Variants in PHLPP1 observed in about 807,000 individuals in gnomAD.
The protein encoded by PHLPP1 is PH domain and leucine rich repeat protein phosphatase 1, also known as PH domain leucine-rich repeat-containing protein phosphatase 1.
In PHLPP1, 42 loss-of-function variants were observed where a neutral mutation model predicts 117.2. The observed-to-expected ratio is 0.36, with a 90% CI of 0.28 to 0.46. The LOEUF is 0.46. Ranked by LOEUF, PHLPP1 falls within the 20% of genes least tolerant of loss-of-function variation. The probability of loss-of-function intolerance (pLI) is 1.00; values close to 1 mark genes in which losing one functional copy is unlikely to be tolerated. For synonymous variants in PHLPP1, 1,042 were observed against 970.7 expected (o/e 1.07, Z -1.37); for missense variants, 2,084 against 2,241.9 (o/e 0.93, Z 1.42).
intron 1 of PHLPP1, among the ~76,000 whole-genome samples, chr18:62,721,940 T>C (rs1448882637): frequency 1.3e-5 from 2 of 152,238 alleles, no homozygotes; most frequent in Non-Finnish European, 2.9e-5. Context: ...TTGTATGTGA[T>C]CTAAGCCTAG....
intron 13 of PHLPP1, among the ~76,000 whole-genome samples, chr18:62,959,988 A>G (rs977087199): frequency 6.6e-6 from 1 of 151,842 alleles, no homozygotes; most frequent in African/African-American, 2.4e-5. Context: ...ATAAGATGAG[A>G]AAAAAAATGG....
chr18:62,851,831 A>G (rs1915358204), intron 3 of PHLPP1, among the ~76,000 whole-genome samples: 1 of 151,516 alleles, frequency 6.6e-6, no homozygotes, highest in South Asian at 2.1e-4. Context: ...TTGCTATGTC[A>G]TTACCTCGAA....
intron 10 of PHLPP1, among the ~76,000 whole-genome samples, chr18:62,922,669 T>C (rs547380374): frequency 1.2e-4 from 18 of 152,346 alleles, no homozygotes; most frequent in Middle Eastern, 3.4e-3. Context: ...AAAAACCATT[T>C]CTGAATCTGG....
rs370846459 is a variant in PHLPP1 at position 62,746,852 on chromosome 18, C to T, written c.1576+29593C>T. On this transcript the variant is annotated intron_variant, in intron 1 of 16. Coordinates refer to ENST00000262719, the MANE Select transcript of PHLPP1 (RefSeq NM_194449.4). Reference sequence around the variant, plus strand: ...GTGCATAGCAATGTGATTTATTTTTCGCTTGGTAGAACTTGCTTAAGCTTT... The same window carrying T: ...GTGCATAGCAATGTGATTTATTTTTTGCTTGGTAGAACTTGCTTAAGCTTT... Among the ~76,000 whole-genome samples the T allele has an allele frequency of 3.2e-4, 49 of 151,574 alleles. No homozygotes were observed. The South Asian group carries it at 7.3e-3, about 23-fold the overall frequency.
intron 1 of PHLPP1, among the ~76,000 whole-genome samples, chr18:62,756,043 G>T: frequency 1.5e-5 from 2 of 134,858 alleles, no homozygotes; most frequent in African/African-American, 5.8e-5. Context: ...TTCTTTCTTT[G>T]ACTCATTCAT....
intron 3 of PHLPP1, among the ~76,000 whole-genome samples, 181 bp from the exon 4 acceptor site, chr18:62,860,254 C>T (rs1467073626): frequency 2.0e-5 from 3 of 152,032 alleles, no homozygotes; most frequent in South Asian, 2.1e-4. Flanking sequence ...GTGTGTGGTA[C>T]GTTATTGACT....
chr18:62,858,631 G>A (rs1646788452), intron 3 of PHLPP1, among the ~76,000 whole-genome samples: 1 of 152,030 alleles, frequency 6.6e-6, no homozygotes, highest in South Asian at 2.1e-4. Context: ...GAATTTTAGT[G>A]GATATAAAAT....
At chr18:62,726,028 A>G (rs1349581259) in intron 1 of PHLPP1, among the ~76,000 whole-genome samples, 3 of 152,140 alleles carry the variant, frequency 2.0e-5, no homozygotes, top group East Asian at 3.8e-4. Context: ...AGTTTTAAGT[A>G]ACAAGGAACT....
chr18:62,924,795 G>A (rs1436786419), intron 10 of PHLPP1, among the ~76,000 whole-genome samples: 3 of 148,412 alleles, frequency 2.0e-5, no homozygotes, highest in Admixed American at 6.8e-5. Context: ...CTCTGATCAC[G>A]CCACCTACAC....
chr18:62,915,280 C>A (rs1909233792), intron 9 of PHLPP1, among the ~76,000 whole-genome samples: 1 of 152,198 alleles, frequency 6.6e-6, no homozygotes, highest in Non-Finnish European at 1.5e-5. Context: ...CAAAAACAAT[C>A]TTTGAAGCAA....
At chr18:62,763,471 TGCA>T (rs1912328049) in intron 1 of PHLPP1, among the ~76,000 whole-genome samples, 1 of 152,208 alleles carries the variant, frequency 6.6e-6, no homozygotes, top group Non-Finnish European at 1.5e-5. Flanking sequence ...TAGTCTCCCG[TGCA>T]GCAAGTCATG....
At chr18:62,866,673 T>A (rs1233652698) in intron 4 of PHLPP1, among the ~76,000 whole-genome samples, 1 of 152,214 alleles carries the variant, frequency 6.6e-6, no homozygotes, top group Non-Finnish European at 1.5e-5. Flanking sequence ...AAAATTAAAA[T>A]GCTCCCAAAG....
intron 14 of PHLPP1, among the ~76,000 whole-genome samples, chr18:62,968,752 T>C (rs946722584): frequency 6.6e-6 from 1 of 152,070 alleles, no homozygotes. Flanking sequence ...TTGGCCAGGC[T>C]GATCTCGAAC....
rs1337608754 is a variant in PHLPP1, at chr18:62,717,015, C to T, written c.1332C>T (p.Ala444=). Residue 444 remains alanine (A), a synonymous_variant, in exon 1 of 17, where the codon GCC becomes GCT. Coordinates refer to ENST00000262719, the MANE Select transcript of PHLPP1 (RefSeq NM_194449.4). ...AGGAGAAGGCAGCGGCAGCCGTGGC[C>T]CCGGGAGGCCTCCAGTCTACCCCCG... ...SCEEKAAAAV[A]PGGLQSTPGR... The T allele has an allele frequency of 6.5e-7, 1 of 1,544,600 alleles. No individual in the cohort carries two copies. Among genetic ancestry groups the T allele is most frequent in the Non-Finnish European group, 8.7e-7 (1 of 1,145,948 alleles).
chr18:62,880,904 A>G (rs535729295), intron 4 of PHLPP1, among the ~76,000 whole-genome samples: 74 of 152,302 alleles, frequency 4.9e-4, no homozygotes, highest in African/African-American at 1.8e-3. Context: ...TACTGGACTC[A>G]TGGAGCCTTC....
intron 4 of PHLPP1, among the ~76,000 whole-genome samples, chr18:62,888,287 A>ATGTGTGTGTGTGTGTG (rs200659921): frequency 1.5e-5 from 2 of 130,862 alleles, no homozygotes; most frequent in Non-Finnish European, 1.6e-5. Context: ...ATTTCACAAA[A>ATGTGTGTGTGTGTGTG]TGTGTGTGTG....
intron 4 of PHLPP1, among the ~76,000 whole-genome samples, chr18:62,882,052 T>C (rs1352591593): frequency 6.6e-6 from 1 of 152,162 alleles, no homozygotes; most frequent in East Asian, 1.9e-4. Context: ...GCCTCTCTCA[T>C]GCATTTTAGA....
At chr18:62,810,577 A>G (rs1461267031) in intron 1 of PHLPP1, among the ~76,000 whole-genome samples, 1 of 152,192 alleles carries the variant, frequency 6.6e-6, no homozygotes, top group Non-Finnish European at 1.5e-5. Context: ...ATAAAATAGA[A>G]TAATTATAAC....
chr18:62,929,176 C>T (rs1292534809), intron 10 of PHLPP1, among the ~76,000 whole-genome samples: 1 of 151,594 alleles, frequency 6.6e-6, no homozygotes, highest in African/African-American at 2.4e-5. Context: ...TTTTAAAGAC[C>T]TCAAGGACTT....
Sources: allele counts gnomAD v4.1 joint callset (sites outside exome capture counted in the v4.1 genomes callset), GRCh38; gene constraint gnomAD v4.1.1; transcripts MANE v1.5; gene names NCBI Gene and HGNC (gene_info 2026-07-23, HGNC 2026-07-21).